The following TENT4B variants were observed in gnomAD, a reference collection of about 807,000 sequenced individuals.
The protein encoded by TENT4B is PAP associated domain containing 5.
Under a neutral mutation model 75.0 loss-of-function variants are expected in TENT4B, and 10 were observed. That is an observed-to-expected ratio of 0.13 (90% CI 0.08 to 0.23). The LOEUF is 0.23. Among genes scored for constraint, TENT4B ranks in the 10% least tolerant of loss-of-function variants. The pLI, the probability that TENT4B is intolerant of heterozygous loss-of-function variation, is 1.00. For missense variants in TENT4B, 579 were observed against 893.8 expected, an observed-to-expected ratio of 0.65 and a Z score of 4.49; for synonymous variants, 350 against 357.7, an observed-to-expected ratio of 0.98 and a Z score of 0.24.
At chr16:50,198,360 A>G (rs1159890434) in intron 1 of TENT4B, among the ~76,000 whole-genome samples, 15 of 151,210 alleles carry the variant, frequency 9.9e-5, no homozygotes, top group Admixed American at 9.9e-4. Context: ...CACAGGTTAT[A>G]GTGAGCTGAG....
chr16:50,182,974 C>T (rs2038450261), intron 1 of TENT4B, among the ~76,000 whole-genome samples: 1 of 133,742 alleles, frequency 7.5e-6, no homozygotes, highest in Non-Finnish European at 1.5e-5. Context: ...CTGCCTCAGC[C>T]TCCGGAGTAG....
intron 1 of TENT4B, among the ~76,000 whole-genome samples, chr16:50,164,410 A>G (rs2038060931): frequency 6.6e-6 from 1 of 151,934 alleles, no homozygotes; most frequent in African/African-American, 2.4e-5. Flanking sequence ...CCCAAGTTCA[A>G]GCAATTTTCT....
chr16:50,213,272 T>C (rs1156550212), intron 2 of TENT4B, among the ~76,000 whole-genome samples: 4 of 152,216 alleles, frequency 2.6e-5, no homozygotes, highest in Admixed American at 6.5e-5. Flanking sequence ...TTGGCCAGGC[T>C]GGTCTTGAAC....
chr16:50,194,960 A>G (rs2030121915), intron 1 of TENT4B, among the ~76,000 whole-genome samples: 1 of 151,866 alleles, frequency 6.6e-6, no homozygotes, highest in Non-Finnish European at 1.5e-5. Flanking sequence ...CGTGTTAGCC[A>G]GGATGGTCTC....
chr16:50,178,543 G>A lies in TENT4B; in HGVS notation c.638+24284G>A, dbSNP rs537213746. 2.0e-4 allele frequency among the ~76,000 whole-genome samples: 31 copies of A among 152,190 alleles called. No individual in the cohort carries two copies. In the South Asian group the frequency reaches 6.0e-3, roughly 29 times the overall value. ...TGATGGTTAAAAAAAAAATCAGAAT[G>A]ATGCAACCCAAGTGTCCATCAATGG... On this transcript the variant is annotated intron_variant, in intron 1 of 11. Transcript: ENST00000561678.
At chr16:50,220,394 G>A (rs1396487850) in intron 5 of TENT4B, among the ~76,000 whole-genome samples, 1 of 150,998 alleles carries the variant, frequency 6.6e-6, no homozygotes, top group Non-Finnish European at 1.5e-5. Context: ...TGCCCAAGCT[G>A]TTCTTAAACT....
At position 50,230,317 on chromosome 16, in the gene TENT4B, A is replaced by T. The variant is rs1243999715; in HGVS notation, c.*989A>T. On this transcript the variant is annotated 3_prime_UTR_variant, in exon 12 of 12. Coordinates refer to ENST00000561678, the MANE Select transcript of TENT4B (RefSeq NM_001365324.3). ...CCTAATAGGAAAAAAAAAAAAAAAAAGGTCACCCATGTCTGGTCTCATTCC... is the reference window on the plus strand; with the variant it reads ...CCTAATAGGAAAAAAAAAAAAAAAATGGTCACCCATGTCTGGTCTCATTCC... 1 of 981,078 alleles carries T rather than the reference A, an allele frequency of 1.0e-6. No homozygotes were observed. The highest frequency in any genetic ancestry group is 1.8e-5 in the African/African-American group (1 of 56,214). 60.8% of individuals were successfully genotyped at this position (981,078 alleles called of 1,614,324 possible). A position where few individuals can be genotyped will look rare whatever the true frequency, so the allele number is the denominator to read the frequency against.
intron 1 of TENT4B, among the ~76,000 whole-genome samples, chr16:50,167,085 C>T (rs2038115479): frequency 6.6e-6 from 1 of 152,172 alleles, no homozygotes; most frequent in South Asian, 2.1e-4. Context: ...CTAGCATGCC[C>T]AGCTAAAACA....
At chr16:50,195,249 T>C (rs1196425741) in intron 1 of TENT4B, among the ~76,000 whole-genome samples, 1 of 152,162 alleles carries the variant, frequency 6.6e-6, no homozygotes, top group Non-Finnish European at 1.5e-5. Flanking sequence ...TGAGGTACCA[T>C]ACAGAAGTTA....
At chr16:50,182,679 C>T (rs998647266) in intron 1 of TENT4B, among the ~76,000 whole-genome samples, 41 of 152,042 alleles carry the variant, frequency 2.7e-4, no homozygotes, top group Admixed American at 7.9e-4. Flanking sequence ...TCTTGGACAT[C>T]TAAATTGCTT....
At chr16:50,228,684 C>CACAG (rs1423000127) in intron 11 of TENT4B, among the ~76,000 whole-genome samples, 2 of 152,224 alleles carry the variant, frequency 1.3e-5, no homozygotes, top group Non-Finnish European at 2.9e-5. Context: ...GTATGCCAGA[C>CACAG]ACAGACTTAT....
Position 50,201,029 on chromosome 16 carries a change from G to A in TENT4B, c.639-10294G>A, listed in dbSNP as rs142903279. Among the ~76,000 whole-genome samples the A allele has an allele frequency of 3.1e-3, 465 of 151,944 alleles. 3 individuals are homozygous for A. Among genetic ancestry groups the A allele is most frequent in the Admixed American group, 5.2e-3 (80 of 15,268 alleles). On this transcript the variant is annotated intron_variant, in intron 1 of 11. Transcript: ENST00000561678. Reference sequence around the variant, plus strand: ...GTTACCCAGGTGGTCTTGAACTCCTGGCCTCAGGCAATCTTCCAGCCCTCA... The same window carrying A: ...GTTACCCAGGTGGTCTTGAACTCCTAGCCTCAGGCAATCTTCCAGCCCTCA...
chr16:50,186,729 A>G (rs896178346), intron 1 of TENT4B, among the ~76,000 whole-genome samples: 1 of 151,708 alleles, frequency 6.6e-6, no homozygotes, highest in African/African-American at 2.4e-5. Flanking sequence ...GTCTCTCCCC[A>G]TAAGGTCCTT....
rs761078782 is a variant in TENT4B, at chr16:50,229,356, CTG to C, written c.*31_*32del. ...AGCGCTGCGCGGTGGACTGTCTTCT[CTG>C]TGCAATGATCTCATGCTCAGGACAG... is the stretch of plus-strand genomic sequence containing the variant. On this transcript the variant is annotated 3_prime_UTR_variant, in exon 12 of 12. Transcript: ENST00000561678. The C allele has an allele frequency of 5.7e-6, 9 of 1,589,702 alleles. No homozygotes were observed. The highest frequency in any genetic ancestry group is 7.7e-6 in the Non-Finnish European group (9 of 1,169,394).
chr16:50,153,142 C>A, upstream of TENT4B: 3 of 524,618 alleles, frequency 5.7e-6, no homozygotes, highest in Non-Finnish European at 7.1e-6. Context: ...GGCTGCTGCG[C>A]GGCGCAGCGG....
chr16:50,207,806 C>T (rs2031066518), intron 1 of TENT4B, among the ~76,000 whole-genome samples: 1 of 152,208 alleles, frequency 6.6e-6, no homozygotes, highest in Non-Finnish European at 1.5e-5. Context: ...GTGGTCCACT[C>T]TGCCACTCAA....
At chr16:50,152,990 G>A (rs940639022), upstream of TENT4B, 18 of 1,516,592 alleles carry the variant, frequency 1.2e-5, no homozygotes, top group African/African-American at 4.3e-5. Flanking sequence ...GGGAAGCCGA[G>A]GCGGAGAAGC....
intron 10 of TENT4B, among the ~76,000 whole-genome samples, chr16:50,227,501 C>T (rs1486792383): frequency 6.6e-6 from 1 of 151,774 alleles, no homozygotes; most frequent in Non-Finnish European, 1.5e-5. Flanking sequence ...TTGTGTCTGG[C>T]TGAAGCCAGG....
At chr16:50,187,604 A>C (rs1457077890) in intron 1 of TENT4B, among the ~76,000 whole-genome samples, 2 of 152,128 alleles carry the variant, frequency 1.3e-5, no homozygotes, top group East Asian at 3.9e-4. Flanking sequence ...GGTAAAAGTC[A>C]AACTTGAGTC....
Sources: gnomAD v4.1 joint callset for allele counts (sites outside exome capture counted in the v4.1 genomes callset) on GRCh38, gnomAD v4.1.1 for gene constraint, MANE v1.5 for transcripts, NCBI Gene and HGNC (gene_info 2026-07-23, HGNC 2026-07-21) for gene names.